NLGN1: variants seen among roughly 807,000 people sequenced by gnomAD.
The protein encoded by NLGN1 is neuroligin-1.
A neutral mutation model predicts 65.5 loss-of-function variants in NLGN1; 12 were observed. That is an observed-to-expected ratio of 0.18 (90% CI 0.12 to 0.30). NLGN1 has a LOEUF of 0.30. Ranked by LOEUF, NLGN1 falls within the 10% of genes least tolerant of loss-of-function variation. The pLI is 1.00. For synonymous variants in NLGN1, 350 were observed against 359.5 expected, an observed-to-expected ratio of 0.97 and a Z score of 0.30; for missense variants, 750 against 1,007.1, an observed-to-expected ratio of 0.74 and a Z score of 3.46.
chr3:174,077,863 TC>T (rs1741336677), intron 4 of NLGN1, among the ~76,000 whole-genome samples: 1 of 152,134 alleles, frequency 6.6e-6, no homozygotes, highest in Admixed American at 6.5e-5. Context: ...CTATCTTCTG[TC>T]TTTTTAATAA....
chr3:173,699,005 C>T (rs374076677), intron 3 of NLGN1, among the ~76,000 whole-genome samples: 22 of 152,136 alleles, frequency 1.4e-4, no homozygotes, highest in South Asian at 6.2e-4. Context: ...TACACGCATG[C>T]GCCACCTTGC....
chr3:173,901,810 T>C (rs550164193), intron 4 of NLGN1, among the ~76,000 whole-genome samples: 1 of 152,186 alleles, frequency 6.6e-6, no homozygotes, highest in African/African-American at 2.4e-5. Context: ...GCACTGCCCT[T>C]CAAGAAATCT....
chr3:173,932,262 G>A (rs1162564281), intron 4 of NLGN1, among the ~76,000 whole-genome samples: 4 of 152,032 alleles, frequency 2.6e-5, no homozygotes, highest in South Asian at 2.1e-4. Context: ...GTTTCAAATT[G>A]TCTTGTGTCA....
At chr3:173,450,258 G>A (rs1336699313) in intron 2 of NLGN1, among the ~76,000 whole-genome samples, 1 of 152,090 alleles carries the variant, frequency 6.6e-6, no homozygotes, top group Non-Finnish European at 1.5e-5. Context: ...GGCAGGCCTG[G>A]TGGTGACAAA....
chr3:173,751,892 T>C (rs1460125385), intron 3 of NLGN1, among the ~76,000 whole-genome samples: 1 of 151,986 alleles, frequency 6.6e-6, no homozygotes, highest in Non-Finnish European at 1.5e-5. Context: ...GATTAAGGAG[T>C]TAATTAGCTT....
chr3:173,737,193 C>A (rs1469767565), intron 3 of NLGN1, among the ~76,000 whole-genome samples: 1 of 151,016 alleles, frequency 6.6e-6, no homozygotes, highest in African/African-American at 2.4e-5. Context: ...CAACGAAAGA[C>A]AACTTCCTGT....
chr3:173,468,374 G>A (rs1351926866), intron 2 of NLGN1, among the ~76,000 whole-genome samples: 1 of 151,978 alleles, frequency 6.6e-6, no homozygotes, highest in Non-Finnish European at 1.5e-5. Flanking sequence ...ATATAAAATA[G>A]AATATTAACT....
chr3:173,446,973 C>G (rs1483870700), intron 2 of NLGN1, among the ~76,000 whole-genome samples: 1 of 152,080 alleles, frequency 6.6e-6, no homozygotes, highest in African/African-American at 2.4e-5. Context: ...AGCCCTTTGT[C>G]AGATGAGTAG....
intron 2 of NLGN1, among the ~76,000 whole-genome samples, chr3:173,551,939 AG>A (rs1340543750): frequency 6.6e-6 from 1 of 152,248 alleles, no homozygotes; most frequent in African/African-American, 2.4e-5. Context: ...GGCACCTATT[AG>A]TAAATAGTAG....
chr3:173,482,395 T>C (rs986192371), intron 2 of NLGN1, among the ~76,000 whole-genome samples: 3 of 151,930 alleles, frequency 2.0e-5, no homozygotes, highest in Non-Finnish European at 4.4e-5. Flanking sequence ...CAGGTGGATC[T>C]GATCTCTTCA....
At chr3:173,508,808 C>T (rs1337498710) in intron 2 of NLGN1, among the ~76,000 whole-genome samples, 1 of 152,188 alleles carries the variant, frequency 6.6e-6, no homozygotes, top group African/African-American at 2.4e-5. Flanking sequence ...CCAGGGCTAA[C>T]AGCCCTAGGG....
downstream of NLGN1, among the ~76,000 whole-genome samples, chr3:174,288,442 G>A (rs1752368705): frequency 6.6e-6 from 1 of 151,360 alleles, no homozygotes; most frequent in Admixed American, 6.6e-5. Context: ...TTCTAAAACA[G>A]CTGGCTGCAT....
chr3:174,104,201 T>C (rs1351036925), intron 4 of NLGN1, among the ~76,000 whole-genome samples: 1 of 152,146 alleles, frequency 6.6e-6, no homozygotes, highest in Non-Finnish European at 1.5e-5. Flanking sequence ...TCTCTATCCA[T>C]GTCCTATGGC....
intron 4 of NLGN1, among the ~76,000 whole-genome samples, chr3:174,020,502 A>G (rs967517637): frequency 6.6e-6 from 1 of 152,090 alleles, no homozygotes; most frequent in Non-Finnish European, 1.5e-5. Flanking sequence ...TTTAAAAAAC[A>G]TTGATGTCTA....
chr3:173,919,827 TATAGAGA>T (rs1410425023), intron 4 of NLGN1, among the ~76,000 whole-genome samples: 2 of 152,124 alleles, frequency 1.3e-5, no homozygotes, highest in Non-Finnish European at 2.9e-5. Flanking sequence ...ACAGTTTTGC[TATAGAGA>T]AGACTCATTT....
At chr3:173,821,044 A>G (rs997239445) in intron 4 of NLGN1, among the ~76,000 whole-genome samples, 1 of 152,170 alleles carries the variant, frequency 6.6e-6, no homozygotes, top group African/African-American at 2.4e-5. Flanking sequence ...ACACCCACTC[A>G]TCTTTTATAA....
At chr3:173,657,466 TG>T (rs759440350) in intron 3 of NLGN1, among the ~76,000 whole-genome samples, 1 of 151,956 alleles carries the variant, frequency 6.6e-6, no homozygotes. Flanking sequence ...CTGCCCCCTT[TG>T]TTTTGTTATT....
At chr3:173,825,217 G>T (rs923902392) in intron 4 of NLGN1, among the ~76,000 whole-genome samples, 1 of 151,994 alleles carries the variant, frequency 6.6e-6, no homozygotes, top group Non-Finnish European at 1.5e-5. Flanking sequence ...TGCTGAAAGG[G>T]ATTGAGAAAG....
intron 4 of NLGN1, among the ~76,000 whole-genome samples, chr3:173,879,610 A>G (rs1732832011): frequency 1.3e-5 from 2 of 150,954 alleles, no homozygotes; most frequent in African/African-American, 4.9e-5. Context: ...TGCCTCTTCT[A>G]TTGAATATTG....
Sources: gnomAD v4.1 joint callset for allele counts (sites outside exome capture counted in the v4.1 genomes callset) on GRCh38, gnomAD v4.1.1 for gene constraint, MANE v1.5 for transcripts, NCBI Gene and HGNC (gene_info 2026-07-23, HGNC 2026-07-21) for gene names.